COL24A1: variants seen among roughly 807,000 people sequenced by gnomAD.
The protein encoded by COL24A1 is collagen alpha-1(XXIV) chain.
COL24A1 carries 224 observed loss-of-function variants against 253.9 expected under a neutral mutation model. That is an observed-to-expected ratio of 0.88 (90% CI 0.79 to 0.99). The LOEUF (loss-of-function observed/expected upper bound fraction) is 0.99. Among genes scored for constraint, COL24A1 ranks in the 50% least tolerant of loss-of-function variants. The probability of loss-of-function intolerance (pLI) is 0.00; values close to 1 mark genes in which losing one functional copy is unlikely to be tolerated. For missense variants in COL24A1, 2,131 were observed against 2,068.5 expected, an observed-to-expected ratio of 1.03 and a Z score of -0.59; for synonymous variants, 685 against 673.7, an observed-to-expected ratio of 1.02 and a Z score of -0.26.
At chr1:85,940,073 A>C (rs532264509) in intron 24 of COL24A1, among the ~76,000 whole-genome samples, 1 of 152,310 alleles carries the variant, frequency 6.6e-6, no homozygotes, top group South Asian at 2.1e-4. Flanking sequence ...AAGAAAAAGC[A>C]ATTTTATACA....
intron 2 of COL24A1, among the ~76,000 whole-genome samples, chr1:86,135,750 G>GT (rs1650136685): frequency 6.6e-6 from 1 of 151,848 alleles, no homozygotes. Context: ...ATCTTTCTTT[G>GT]TGTAGGTGAT....
At chr1:86,023,539 A>G (rs1304707151) in intron 14 of COL24A1, among the ~76,000 whole-genome samples, 2 of 152,074 alleles carry the variant, frequency 1.3e-5, no homozygotes, top group African/African-American at 2.4e-5. Flanking sequence ...AAAAAGCTCT[A>G]CTCTTCTGGG....
intron 37 of COL24A1, among the ~76,000 whole-genome samples, chr1:85,853,915 G>A (rs1332657628): frequency 6.6e-6 from 1 of 152,056 alleles, no homozygotes; most frequent in Non-Finnish European, 1.5e-5. Context: ...TTCTTAGGTT[G>A]TCTGTTTACT....
At chr1:86,000,543 G>T (rs1695296747) in intron 19 of COL24A1, among the ~76,000 whole-genome samples, 1 of 152,180 alleles carries the variant, frequency 6.6e-6, no homozygotes, top group South Asian at 2.1e-4. Context: ...TTTAGGCAAA[G>T]GGATTCCATT....
chr1:85,739,365 T>C (rs986393964), intron 57 of COL24A1, among the ~76,000 whole-genome samples: 16 of 152,194 alleles, frequency 1.1e-4, no homozygotes, highest in African/African-American at 2.7e-4. Flanking sequence ...ATAATTTCTT[T>C]CAAGGTATGC....
chr1:86,089,272 A>T, intron 6 of COL24A1, 45 bp from the exon 7 acceptor site: 2 of 1,453,788 alleles, frequency 1.4e-6, no homozygotes, highest in East Asian at 4.8e-5. Context: ...AGAGAACTGA[A>T]AATTAGAATT....
chr1:86,077,514 G>A (rs1226676444), intron 7 of COL24A1, among the ~76,000 whole-genome samples: 4 of 151,990 alleles, frequency 2.6e-5, no homozygotes, highest in African/African-American at 9.7e-5. Context: ...TTATAAATCA[G>A]TCTACTATAA....
chr1:85,955,430 T>TA (rs1690344465), intron 24 of COL24A1, among the ~76,000 whole-genome samples: 1 of 152,230 alleles, frequency 6.6e-6, no homozygotes, highest in African/African-American at 2.4e-5. Context: ...GCAGAGCATC[T>TA]AATTGAGCTG....
At chr1:85,992,597 T>C (rs1321292626) in intron 19 of COL24A1, among the ~76,000 whole-genome samples, 2 of 152,064 alleles carry the variant, frequency 1.3e-5, no homozygotes, top group Non-Finnish European at 2.9e-5. Context: ...GCTTACAGAT[T>C]GAAAAATAAA....
intron 2 of COL24A1, among the ~76,000 whole-genome samples, chr1:86,128,983 T>C (rs1648746049): frequency 6.6e-6 from 1 of 151,894 alleles, no homozygotes; most frequent in Admixed American, 6.6e-5. Flanking sequence ...CATTATTTTC[T>C]ATAGCCTAAA....
At position 86,126,181 on chromosome 1, in the gene COL24A1, C is replaced by T. The variant is rs867272133; in HGVS notation, c.155G>A (p.Gly52Asp). The change falls in exon 3 of 60, where the codon GGC (glycine) becomes GAC (aspartate). Residue 52 changes from glycine to aspartate, a missense_variant. Gly to Asp is a moderately conservative substitution (Grantham distance 94). Coordinates refer to ENST00000370571, the MANE Select transcript of COL24A1 (RefSeq NM_152890.7). Reference protein sequence around the residue: ...IDILHQLGLGGKDVRHSSPAT... With the variant: ...IDILHQLGLGDKDVRHSSPAT... ...TGGTGATGAGTGTCTTACGTCTTTG[C>T]CTCCAAGGCCTAGTTGATGAAGAAT... 2 of 1,602,648 alleles carry T rather than the reference C, an allele frequency of 1.2e-6. No homozygotes were observed. The highest frequency in any genetic ancestry group is 2.7e-5 in the African/African-American group (2 of 74,704).
intron 1 of COL24A1, among the ~76,000 whole-genome samples, chr1:86,151,029 G>C (rs1652688391): frequency 6.6e-6 from 1 of 151,710 alleles, no homozygotes; most frequent in Non-Finnish European, 1.5e-5. Flanking sequence ...TTAGCAAAAT[G>C]TTATATATAT....
intron 53 of COL24A1, among the ~76,000 whole-genome samples, chr1:85,772,692 C>A (rs1668110252): frequency 6.6e-6 from 1 of 151,956 alleles, no homozygotes; most frequent in South Asian, 2.1e-4. Flanking sequence ...CTGTTCATAT[C>A]CTTTGCCCAT....
intron 13 of COL24A1, 40 bp from the exon 14 acceptor site, chr1:86,031,962 T>C: frequency 6.7e-7 from 1 of 1,499,568 alleles, no homozygotes; most frequent in Non-Finnish European, 9.2e-7. Flanking sequence ...TAAATTTGAT[T>C]CCCAACTACT....
At chr1:85,841,834 T>C (rs1005705473) in intron 41 of COL24A1, among the ~76,000 whole-genome samples, 1 of 152,188 alleles carries the variant, frequency 6.6e-6, no homozygotes, top group Admixed American at 6.5e-5. Flanking sequence ...GCTCTACAAA[T>C]ATTTTCACAT....
chr1:85,987,111 C>T (rs966102490), intron 20 of COL24A1, among the ~76,000 whole-genome samples: 1 of 151,786 alleles, frequency 6.6e-6, no homozygotes, highest in African/African-American at 2.4e-5. Flanking sequence ...GTATGTGAGT[C>T]ATCATGATGA....
intron 37 of COL24A1, among the ~76,000 whole-genome samples, chr1:85,861,884 A>G (rs960435855): frequency 6.6e-6 from 1 of 152,148 alleles, no homozygotes; most frequent in Admixed American, 6.5e-5. Flanking sequence ...CAGCTGTAAT[A>G]CCCTTTTAGT....
At chr1:85,992,114 T>A (rs1023408811) in intron 19 of COL24A1, among the ~76,000 whole-genome samples, 2 of 150,674 alleles carry the variant, frequency 1.3e-5, no homozygotes, top group African/African-American at 2.4e-5. Context: ...GATGTTCCCC[T>A]TCCTGTGTCC....
chr1:85,890,774 T>C (rs935087470), intron 31 of COL24A1, among the ~76,000 whole-genome samples: 82 of 152,324 alleles, frequency 5.4e-4, no homozygotes, highest in Non-Finnish European at 9.7e-4. Flanking sequence ...TGTTAATAAG[T>C]ATGACTTTTG....
Sources: allele counts gnomAD v4.1 joint callset (sites outside exome capture counted in the v4.1 genomes callset), GRCh38; gene constraint gnomAD v4.1.1; transcripts MANE v1.5; gene names NCBI Gene and HGNC (gene_info 2026-07-23, HGNC 2026-07-21).